CAST: variants seen among roughly 807,000 people sequenced by gnomAD.
CAST encodes calpastatin.
Under a neutral mutation model 119.6 loss-of-function variants are expected in CAST, and 76 were observed. The ratio of observed to expected loss-of-function variants is 0.64; its 90% CI spans 0.53 to 0.77. CAST has a LOEUF of 0.77. Among genes scored for constraint, CAST ranks in the 30% least tolerant of loss-of-function variants. The pLI is 0.00. For missense variants in CAST, 953 were observed against 946.5 expected (o/e 1.01, Z -0.09); for synonymous variants, 319 against 331.6 (o/e 0.96, Z 0.41).
the CAST span, among the ~76,000 whole-genome samples, chr5:96,299,292 A>AAC: frequency 1.0e-4 from 14 of 136,394 alleles, no homozygotes; most frequent in African/African-American, 5.1e-4. Context: ...CAACAACAAC[A>AAC]AACAAACAAA....
the CAST span, among the ~76,000 whole-genome samples, chr5:96,161,284 G>T: frequency 6.6e-6 from 1 of 152,010 alleles, no homozygotes; most frequent in South Asian, 2.1e-4. Flanking sequence ...GTTAAATTTT[G>T]TACATAAAGT....
At chr5:96,221,961 T>C in the CAST span, among the ~76,000 whole-genome samples, 1 of 152,164 alleles carries the variant, frequency 6.6e-6, no homozygotes, top group African/African-American at 2.4e-5. Context: ...TCCACGTATT[T>C]ACAGCCAACT....
Position 96,762,260 on chromosome 5 carries a change from T to G in CAST, c.1834-14T>G. ...TATACAACATGTTACTAATAAAATTTTTTTCAATAAAAGAAATTTGAAGAT... is the reference window on the plus strand; with the variant it reads ...TATACAACATGTTACTAATAAAATTGTTTTCAATAAAAGAAATTTGAAGAT... On this transcript the variant is annotated splice_polypyrimidine_tract_variant and intron_variant, in intron 24 of 31. Coordinates refer to ENST00000675179, the MANE Select transcript of CAST (RefSeq NM_001750.7). 1 of 1,585,512 alleles carries G rather than the reference T, an allele frequency of 6.3e-7. No homozygotes were observed. Among genetic ancestry groups the G allele is most frequent in the Non-Finnish European group, 8.6e-7 (1 of 1,163,598 alleles).
chr5:96,736,286 G>C (rs909290802), intron 10 of CAST, 46 bp downstream of exon 10: 10 of 1,175,956 alleles, frequency 8.5e-6, no homozygotes, highest in Non-Finnish European at 1.3e-5. Flanking sequence ...TTACTCATAT[G>C]CTCTGTATTT....
chr5:96,485,489 A>G, the CAST span, among the ~76,000 whole-genome samples: 1 of 152,322 alleles, frequency 6.6e-6, no homozygotes, highest in African/African-American at 2.4e-5. Flanking sequence ...GTAAAAAATC[A>G]TAGAGCCGAT....
At chr5:96,128,325 T>A in the CAST span, among the ~76,000 whole-genome samples, 1 of 152,146 alleles carries the variant, frequency 6.6e-6, no homozygotes, top group Admixed American at 6.6e-5. Context: ...ATTTTGGTTT[T>A]AACTACACAG....
chr5:96,090,230 G>T, the CAST span, among the ~76,000 whole-genome samples: 1 of 152,178 alleles, frequency 6.6e-6, no homozygotes, highest in Admixed American at 6.5e-5. Flanking sequence ...GCCAAAACTT[G>T]TTCCTTTGTC....
the CAST span, among the ~76,000 whole-genome samples, chr5:96,115,819 C>A: frequency 1.4e-4 from 22 of 152,056 alleles, no homozygotes; most frequent in Middle Eastern, 6.8e-3. Context: ...GAAAGGACAC[C>A]TCGAATCTGT....
the CAST span, among the ~76,000 whole-genome samples, chr5:96,472,743 C>T: frequency 6.6e-6 from 1 of 152,142 alleles, no homozygotes; most frequent in Non-Finnish European, 1.5e-5. Context: ...AGGTTGGTAC[C>T]TCTAATGTAA....
the CAST span, among the ~76,000 whole-genome samples, chr5:96,082,617 G>A: frequency 0.27 from 40,618 of 152,100 alleles, 6,123 homozygotes; most frequent in Middle Eastern, 0.36. Flanking sequence ...ATGAAAAGCA[G>A]AGTGTTCTCT....
chr5:95,968,591 G>T, the CAST span, among the ~76,000 whole-genome samples: 1 of 152,004 alleles, frequency 6.6e-6, no homozygotes, highest in Admixed American at 6.6e-5. Flanking sequence ...TTATGACATG[G>T]TTTCCACAAC....
chr5:96,682,796 T>C (rs1751601746), intron 2 of CAST, among the ~76,000 whole-genome samples: 1 of 152,210 alleles, frequency 6.6e-6, no homozygotes, highest in Non-Finnish European at 1.5e-5. Context: ...CCTAGTGGAC[T>C]TTCATTCATT....
At chr5:96,014,213 G>C in the CAST span, among the ~76,000 whole-genome samples, 2,163 of 149,404 alleles carry the variant, frequency 0.014, 52 homozygotes, top group African/African-American at 0.051. Flanking sequence ...CATTAGCCTA[G>C]GCCTACACGG....
At chr5:96,368,635 T>C in the CAST span, among the ~76,000 whole-genome samples, 2 of 152,118 alleles carry the variant, frequency 1.3e-5, no homozygotes, top group African/African-American at 4.8e-5. Context: ...CTCAGCCTGC[T>C]GCAGAGCTGT....
the CAST span, among the ~76,000 whole-genome samples, chr5:96,361,296 C>T: frequency 6.6e-6 from 1 of 152,190 alleles, no homozygotes; most frequent in Non-Finnish European, 1.5e-5. Context: ...CTGAACTAGA[C>T]CAGTTGGTTC....
chr5:96,736,333 G>C (rs1761633559), intron 10 of CAST, 93 bp downstream of exon 10: 1 of 713,202 alleles, frequency 1.4e-6, no homozygotes, highest in African/African-American at 1.9e-5. Flanking sequence ...ATAATATGAG[G>C]GGGGTAATTT....
the CAST span, among the ~76,000 whole-genome samples, chr5:96,186,120 T>C: frequency 6.6e-6 from 1 of 152,280 alleles, no homozygotes; most frequent in Admixed American, 6.5e-5. Flanking sequence ...CAATTGTGAA[T>C]GGGAATTCAT....
intron 1 of CAST, among the ~76,000 whole-genome samples, chr5:96,561,566 G>T (rs1057279611): frequency 1.3e-5 from 2 of 151,330 alleles, no homozygotes; most frequent in Non-Finnish European, 2.9e-5. Flanking sequence ...CCTGTTGGGG[G>T]TGGGGAGGTA....
intron 1 of CAST, among the ~76,000 whole-genome samples, chr5:96,651,096 A>G (rs1748089512): frequency 6.6e-6 from 1 of 152,224 alleles, no homozygotes; most frequent in African/African-American, 2.4e-5. Context: ...AGACCCAAAC[A>G]GTACTAGAAA....
Sources: allele counts gnomAD v4.1 joint callset (sites outside exome capture counted in the v4.1 genomes callset), GRCh38; gene constraint gnomAD v4.1.1; transcripts MANE v1.5; gene names NCBI Gene and HGNC (gene_info 2026-07-23, HGNC 2026-07-21).